ARHGEF18: variants seen among roughly 807,000 people sequenced by gnomAD.
ARHGEF18 encodes the protein rho guanine nucleotide exchange factor 18.
In ARHGEF18, 93 loss-of-function variants were observed where a neutral mutation model predicts 155.7. That is an observed-to-expected ratio of 0.60 (90% CI 0.50 to 0.71). The LOEUF (loss-of-function observed/expected upper bound fraction) is 0.71. ARHGEF18 is among the 30% of genes least tolerant of loss of function. The pLI is 0.00. For synonymous variants in ARHGEF18, 742 were observed against 753.1 expected, an observed-to-expected ratio of 0.99 and a Z score of 0.24; for missense variants, 1,593 against 1,816.1, an observed-to-expected ratio of 0.88 and a Z score of 2.23.
Position 7,453,640 on chromosome 19 carries a change from A to C in ARHGEF18, c.2029A>C (p.Lys677Gln), listed in dbSNP as rs1975643188. ...ACTCAAGAACGGGCTCACCTTCCGCAAGGAAGACATGCTTCAGCGGCAGCT... is the reference window on the plus strand; with the variant it reads ...ACTCAAGAACGGGCTCACCTTCCGCCAGGAAGACATGCTTCAGCGGCAGCT... ...SKLKNGLTFRKEDMLQRQLHL... is the reference protein window; with the variant it reads ...SKLKNGLTFRQEDMLQRQLHL... Residue 677 changes from lysine to glutamine, a missense_variant, in exon 17 of 29, where the codon AAG becomes CAG. Lys to Gln is a moderately conservative substitution (Grantham distance 53). Transcript: ENST00000668164. 6.2e-7 allele frequency: 1 copy of C among 1,611,670 alleles called. No homozygotes were observed. The highest frequency in any genetic ancestry group is 1.1e-5 in the South Asian group (1 of 90,946).
chr19:7,396,709 C>CT (rs913067897), intron 10 of ARHGEF18, among the ~76,000 whole-genome samples: 4 of 145,828 alleles, frequency 2.7e-5, no homozygotes, highest in East Asian at 2.0e-4. Context: ...GCAAGACTGT[C>CT]TAAAAAAAAA....
At chr19:7,455,648 G>A (rs1403573272) in intron 17 of ARHGEF18, among the ~76,000 whole-genome samples, 1 of 152,176 alleles carries the variant, frequency 6.6e-6, no homozygotes, top group East Asian at 1.9e-4. Flanking sequence ...GAGAGATGTT[G>A]TATTAGTCCG....
intron 10 of ARHGEF18, among the ~76,000 whole-genome samples, chr19:7,397,018 TCGGATGTTGTTTGGA>T (rs1305615617): frequency 1.3e-5 from 2 of 150,422 alleles, no homozygotes; most frequent in Admixed American, 6.7e-5. Flanking sequence ...TTTGAGCATC[TCGGATGTTGTTTGGA>T]CCGAGTCAGG....
chr19:7,369,773 G>A (rs1970115652), intron 2 of ARHGEF18, among the ~76,000 whole-genome samples: 1 of 151,972 alleles, frequency 6.6e-6, no homozygotes, highest in South Asian at 2.1e-4. Flanking sequence ...TTCCAGCCTG[G>A]GCGACAGAGT....
Position 7,383,200 on chromosome 19 carries a change from T to C in ARHGEF18, c.964T>C (p.Ser322Pro). Residue 322 changes from serine (S) to proline (P), a missense_variant, in exon 10 of 29, where the codon TCA becomes CCA. Coordinates refer to ENST00000668164, the MANE Select transcript of ARHGEF18 (RefSeq NM_001367823.1). ...CPLCGKPFLS[S>P]ASLKEHPRGT... ...CCTGTGTGGCAAACCTTTCTTGAGC[T>C]CAGGTAAGTCTGGTGGCCCAATCCA... 1 of 1,232,256 alleles carries C rather than the reference T, an allele frequency of 8.1e-7. No individual in the cohort carries two copies. Among genetic ancestry groups the C allele is most frequent in the African/African-American group, 1.6e-5 (1 of 64,516 alleles). 76.3% of individuals were successfully genotyped at this position (1,232,256 alleles called of 1,614,324 possible).
At chr19:7,424,477 A>G (rs527294132) in intron 10 of ARHGEF18, among the ~76,000 whole-genome samples, 3 of 152,270 alleles carry the variant, frequency 2.0e-5, no homozygotes, top group East Asian at 3.9e-4. Context: ...CTTGTATGAA[A>G]TTGGAATGCC....
At chr19:7,430,792 G>A (rs983986861) in intron 10 of ARHGEF18, among the ~76,000 whole-genome samples, 2 of 152,088 alleles carry the variant, frequency 1.3e-5, no homozygotes, top group Admixed American at 6.6e-5. Flanking sequence ...GTGACAGAGC[G>A]AGACCCTCTC....
chr19:7,370,338 A>G (rs1207343484), intron 2 of ARHGEF18, among the ~76,000 whole-genome samples: 1 of 152,082 alleles, frequency 6.6e-6, no homozygotes. Flanking sequence ...TACTAAAAAT[A>G]CAAAAAAATT....
intron 10 of ARHGEF18, chr19:7,390,702 G>A (rs1971355506): frequency 6.6e-6 from 1 of 152,050 alleles, no homozygotes; most frequent in African/African-American, 2.4e-5. Context: ...TTAAATCATA[G>A]ACGCTTGCCT....
At chr19:7,406,498 A>C (rs1316437765) in intron 10 of ARHGEF18, among the ~76,000 whole-genome samples, 2 of 152,192 alleles carry the variant, frequency 1.3e-5, no homozygotes, top group African/African-American at 4.8e-5. Context: ...CCGTGTGCCT[A>C]TACTCCATAT....
intron 3 of ARHGEF18, among the ~76,000 whole-genome samples, chr19:7,374,480 C>T (rs1162372099): frequency 6.6e-6 from 1 of 151,850 alleles, no homozygotes; most frequent in Admixed American, 6.6e-5. Context: ...AGTTTAAGAC[C>T]AGCCATGGTC....
chr19:7,355,785 C>G (rs1969276957), intron 1 of ARHGEF18: 1 of 916,172 alleles, frequency 1.1e-6, no homozygotes, highest in Non-Finnish European at 1.3e-6. Context: ...CCCCTTCGAG[C>G]TTTTTCTTGG....
Position 7,441,985 on chromosome 19 carries a change from C to A in ARHGEF18, c.1293C>A (p.Leu431=), listed in dbSNP as rs138832196. The change falls in exon 13 of 29, where the codon CTC becomes CTA. Residue 431 remains leucine, a synonymous_variant. Coordinates refer to ENST00000668164, the MANE Select transcript of ARHGEF18 (RefSeq NM_001367823.1). ...GHEFEAESWS[L]AVDAAYAKKQ... is the part of the protein sequence containing the mutation. Reference sequence around the variant, plus strand: ...AGTTTGAAGCTGAGTCCTGGAGCCTCGCCGTGGATGCAGCCTACGCCAAGA... The same window carrying A: ...AGTTTGAAGCTGAGTCCTGGAGCCTAGCCGTGGATGCAGCCTACGCCAAGA... 1.2e-6 allele frequency: 2 copies of A among 1,614,094 alleles called. No homozygotes were observed. Among genetic ancestry groups the A allele is most frequent in the South Asian group, 1.1e-5 (1 of 91,086 alleles).
At position 7,471,513 on chromosome 19, in the gene ARHGEF18, T is replaced by C. The variant is rs1014160264; in HGVS notation, c.*1215T>C. On this transcript the variant is annotated 3_prime_UTR_variant, in exon 29 of 29. Transcript: ENST00000668164. This position sits in a 1 kb window ranked among gnomAD's most constrained non-coding sequence, Gnocchi z 4.4. The stretch of plus-strand genomic sequence containing the variant: ...ACTGGGTCCTGGCTGATCGTCCTTG[T>C]TCCCAGTGGGGTACATGTGAGCCCC... 1 of 152,240 alleles carries C rather than the reference T, an allele frequency of 6.6e-6. No homozygotes were observed. Among genetic ancestry groups the C allele is most frequent in the African/African-American group, 2.4e-5 (1 of 41,440 alleles). 9.4% of individuals were successfully genotyped at this position (152,240 alleles called of 1,614,324 possible).
Position 7,459,990 on chromosome 19 carries a change from T to C in ARHGEF18, c.2448T>C (p.Phe816=), listed in dbSNP as rs745689142. 2 of 1,575,918 alleles carry C rather than the reference T, an allele frequency of 1.3e-6. No individual in the cohort carries two copies. The highest frequency in any genetic ancestry group is 1.7e-6 in the Non-Finnish European group (2 of 1,160,776). The change falls in exon 20 of 29, where the codon TTT becomes TTC. Residue 816 remains phenylalanine, a synonymous_variant. Transcript: ENST00000668164. ...VEARATRLRD[F]QERLSMKDQL... is the part of the protein sequence containing the mutation. The stretch of plus-strand genomic sequence containing the variant: ...CCCGCGCCACGAGACTCCGGGACTT[T>C]CAAGGTGAGCGGGAGACAGCGTCTG...
At position 7,444,078 on chromosome 19, in the gene ARHGEF18, G is replaced by A; in HGVS notation, c.1361-126G>A. ...CCTGGAAGTAAGAAAGATCCCAAAG[G>A]CACAAGGTCTTAGGCAGAGAACTCT... is the stretch of plus-strand genomic sequence containing the variant. On this transcript the variant is annotated intron_variant, in intron 13 of 28. Transcript: ENST00000668164. This position sits in a 1 kb window ranked among gnomAD's most constrained non-coding sequence, Gnocchi z 4.7. 5.6e-6 allele frequency: 7 copies of A among 1,239,530 alleles called. No homozygotes were observed. The highest frequency in any genetic ancestry group is 7.8e-6 in the Non-Finnish European group (7 of 892,596). The allele number at this position is 1,239,530 out of a possible 1,614,324, so 76.8% of individuals were successfully genotyped here.
chr19:7,365,052 C>T lies in ARHGEF18; in HGVS notation c.15+2147C>T, dbSNP rs573406068. 5.1e-4 allele frequency among the ~76,000 whole-genome samples: 78 copies of T among 152,288 alleles called. 1 individual carries two copies. Among genetic ancestry groups the T allele is most frequent in the African/African-American group, 1.8e-3 (75 of 41,564 alleles). ...TACACTAAGGAAGGAGGATCTGTTACGGTTAAGCCATAAAGGGCATCCCAT... is the reference window on the plus strand; with the variant it reads ...TACACTAAGGAAGGAGGATCTGTTATGGTTAAGCCATAAAGGGCATCCCAT... On this transcript the variant is annotated intron_variant, in intron 2 of 28. Transcript: ENST00000668164.
chr19:7,386,515 A>T (rs1971085485), intron 10 of ARHGEF18, among the ~76,000 whole-genome samples: 1 of 151,982 alleles, frequency 6.6e-6, no homozygotes, highest in Non-Finnish European at 1.5e-5. Context: ...GTCCAGGGAT[A>T]GCCTCTCCGA....
chr19:7,355,765 G>A, intron 1 of ARHGEF18: 2 of 961,908 alleles, frequency 2.1e-6, no homozygotes. Context: ...AGGACAGCCT[G>A]CCCGCCATCC....
Sources: allele counts gnomAD v4.1 joint callset (sites outside exome capture counted in the v4.1 genomes callset), GRCh38; gene constraint gnomAD v4.1.1; non-coding constraint Gnocchi (gnomAD v3.1); transcripts MANE v1.5; gene names NCBI Gene and HGNC (gene_info 2026-07-23, HGNC 2026-07-21).